The following FANCD2 variants were observed in gnomAD, a reference collection of about 807,000 sequenced individuals.
FANCD2 encodes the protein FA complementation group D2.
Under a neutral mutation model 192.3 loss-of-function variants are expected in FANCD2, and 131 were observed. The observed-to-expected ratio is 0.68, with a 90% CI of 0.59 to 0.79. The LOEUF is 0.79. Ranked by LOEUF, FANCD2 falls within the 30% of genes least tolerant of loss-of-function variation. The pLI, the probability that FANCD2 is intolerant of heterozygous loss-of-function variation, is 0.00. For synonymous variants in FANCD2, 524 were observed against 612.5 expected, an observed-to-expected ratio of 0.86 and a Z score of 2.13; for missense variants, 1,508 against 1,701.6, an observed-to-expected ratio of 0.89 and a Z score of 2.00.
At position 10,074,658 on chromosome 3, in the gene FANCD2, T is replaced by C; in HGVS notation, c.2844T>C (p.Thr948=). The C allele has an allele frequency of 6.2e-7, 1 of 1,613,816 alleles. No individual in the cohort carries two copies. ...CGLVTKFILD[T]EMHTEATEVV... ...TTGTGACGAAGTTCATCTTAGATAC[T>C]GAAATGCACACTGAAGTAAGTGACA... The change falls in exon 29 of 44, where the codon ACT becomes ACC. Residue 948 remains threonine (T), a synonymous_variant. Transcript: ENST00000675286.
intron 15 of FANCD2, among the ~76,000 whole-genome samples, chr3:10,047,077 T>C (rs1360208078): frequency 1.3e-5 from 2 of 152,302 alleles, no homozygotes; most frequent in African/African-American, 4.8e-5. Context: ...TGGAATTTTA[T>C]AAGCTAGGAA....
intron 2 of FANCD2, among the ~76,000 whole-genome samples, chr3:10,031,510 A>G (rs1482202954): frequency 1.3e-5 from 2 of 152,084 alleles, no homozygotes; most frequent in Non-Finnish European, 2.9e-5. Context: ...TCAAAAAAAA[A>G]AAAAAAAGAA....
intron 38 of FANCD2, 102 bp downstream of exon 38, chr3:10,092,354 T>C: frequency 1.1e-6 from 1 of 891,544 alleles, no homozygotes; most frequent in South Asian, 1.3e-5. Context: ...CCACTCTTCC[T>C]TGGGGCCTGC....
At chr3:10,054,410 C>CGTATAT (rs2087325135) in intron 18 of FANCD2, among the ~76,000 whole-genome samples, 1 of 71,416 alleles carries the variant, frequency 1.4e-5, no homozygotes, top group Admixed American at 1.9e-4. Flanking sequence ...TATGTATATA[C>CGTATAT]GTATATACAT....
At chr3:10,099,063 GC>G in intron 43 of FANCD2, 1 of 1,574,354 alleles carries the variant, frequency 6.4e-7, no homozygotes, top group South Asian at 1.1e-5. Context: ...ACAATTTTCT[GC>G]ATTATAGCCT....
intron 26 of FANCD2, among the ~76,000 whole-genome samples, chr3:10,069,488 T>TCCCC (rs1287580681): frequency 6.2e-5 from 4 of 64,082 alleles, no homozygotes; most frequent in African/African-American, 2.3e-4. Context: ...CCCCTCCCCC[T>TCCCC]CTCCCGTCTC....
intron 37 of FANCD2, among the ~76,000 whole-genome samples, chr3:10,090,865 C>G (rs1694562784): frequency 6.7e-6 from 1 of 149,824 alleles, no homozygotes; most frequent in Admixed American, 6.7e-5. Context: ...TCAAAGAGTT[C>G]CTAGTTTAAT....
chr3:10,052,636 A>C (rs2087252748), intron 18 of FANCD2, 139 bp downstream of exon 18: 2 of 675,770 alleles, frequency 3.0e-6, no homozygotes, highest in Admixed American at 2.2e-5. Flanking sequence ...CTCCTGCCTC[A>C]GCCTCCCAAG....
intron 37 of FANCD2, 55 bp downstream of exon 37, chr3:10,090,440 CTGATTT>C: frequency 1.8e-6 from 1 of 552,954 alleles, no homozygotes; most frequent in Non-Finnish European, 3.0e-6. Flanking sequence ...TTGGAAGTTG[CTGATTT>C]TTTTTTTTTT....
chr3:10,032,385 A>T lies in FANCD2; in HGVS notation c.65-447A>T, dbSNP rs914081511. The T allele has an allele frequency of 2.2e-5, 7 of 324,896 alleles. No homozygotes were observed. The East Asian group carries it at 3.0e-4, about 14-fold the overall frequency. 20.1% of individuals were successfully genotyped at this position (324,896 alleles called of 1,614,324 possible). On this transcript the variant is annotated intron_variant, in intron 2 of 43. Transcript: ENST00000675286. ...AGCCTCAACCTCCTGGGCTCAAGTTATTCTTCCGCCTTAGCCTCCGAAGTA... is the reference window on the plus strand; with the variant it reads ...AGCCTCAACCTCCTGGGCTCAAGTTTTTCTTCCGCCTTAGCCTCCGAAGTA...
rs375085905 is a variant in FANCD2 at position 10,073,936 on chromosome 3, A to AGTTTTTT, written c.2716-573_2716-567dup. 5.1e-3 allele frequency among the ~76,000 whole-genome samples: 771 copies of AGTTTTTT among 152,122 alleles called. 6 individuals carry two copies. The highest frequency in any genetic ancestry group is 0.017 in the African/African-American group (713 of 41,474). ...AGATCATTCTGGCCCCTAAGCTCAC[A>AGTTTTTT]GTTTTTTGTTTTTTGTTTTTTGTTT... is the stretch of plus-strand genomic sequence containing the variant. On this transcript the variant is annotated intron_variant, in intron 28 of 43. Coordinates refer to ENST00000675286, the MANE Select transcript of FANCD2 (RefSeq NM_001018115.3).
In FANCD2 at chr3:10,078,141, C is replaced by T; in HGVS notation, c.2920C>T (p.Gln974Ter). Residue 974 changes from glutamine (Q) to a stop codon, truncating the protein, a stop_gained, in exon 30 of 44, where the codon CAG becomes TAG. Transcript: ENST00000675286. LOFTEE classifies it high-confidence loss of function. ...ELLFLLEDLS[Q>*]KLESMLTPPI... The stretch of plus-strand genomic sequence containing the variant: ...GCTTTTCTTGCTGGAAGATCTCTCC[C>T]AGAAGCTGGAGAGTATGCTGACACC... 6.2e-7 allele frequency: 1 copy of T among 1,613,868 alleles called. No homozygotes were observed.
intron 2 of FANCD2, among the ~76,000 whole-genome samples, chr3:10,029,415 C>T (rs1212550106): frequency 1.3e-5 from 2 of 152,104 alleles, no homozygotes; most frequent in Non-Finnish European, 2.9e-5. Context: ...GTGGAAGGAT[C>T]ACTTGAGCTC....
chr3:10,092,430 C>T (rs1245214533), intron 38 of FANCD2, among the ~76,000 whole-genome samples, 178 bp downstream of exon 38: 1 of 129,242 alleles, frequency 7.7e-6, no homozygotes, highest in Non-Finnish European at 1.5e-5. Context: ...TCTCACTAGG[C>T]ATTTTTTTTT....
In FANCD2 at chr3:10,079,883, G is replaced by A. The variant is rs144307802; in HGVS notation, c.2977-1217G>A. On this transcript the variant is annotated intron_variant, in intron 30 of 43. Coordinates refer to ENST00000675286, the MANE Select transcript of FANCD2 (RefSeq NM_001018115.3). ...AAGCATTTAAACATTAATATATCCC[G>A]TTTCTTGGTTTCTTGATTCATTTTT... Among the ~76,000 whole-genome samples, 500 of 151,752 alleles carry A rather than the reference G, an allele frequency of 3.3e-3. 1 individual carries two copies. The highest frequency in any genetic ancestry group is 6.8e-3 in the Middle Eastern group (2 of 294).
At chr3:10,028,514 G>T in intron 1 of FANCD2, 111 bp from the exon 2 acceptor site, 1 of 722,024 alleles carries the variant, frequency 1.4e-6, no homozygotes. Context: ...CATTAATATG[G>T]AGATGTGAGC....
intron 41 of FANCD2, among the ~76,000 whole-genome samples, chr3:10,095,927 G>C (rs940906258): frequency 4.8e-5 from 7 of 146,318 alleles, no homozygotes; most frequent in Non-Finnish European, 1.0e-4. Context: ...TGTAGCCCAG[G>C]CCGGAGTGCA....
At chr3:10,033,124 A>G in intron 3 of FANCD2, 152 bp downstream of exon 3, 1 of 743,794 alleles carries the variant, frequency 1.3e-6, no homozygotes, top group Non-Finnish European at 2.2e-6. Flanking sequence ...AAAATGGTAC[A>G]GTCAGGCCGG....
chr3:10,065,605 G>C, intron 24 of FANCD2, 111 bp downstream of exon 24: 1 of 799,640 alleles, frequency 1.3e-6, no homozygotes, highest in Non-Finnish European at 2.2e-6. Flanking sequence ...TCTAACTTCA[G>C]CAGAATAGTT....
Sources: gnomAD v4.1 joint callset for allele counts (sites outside exome capture counted in the v4.1 genomes callset) on GRCh38, gnomAD v4.1.1 for gene constraint, MANE v1.5 for transcripts, NCBI Gene and HGNC (gene_info 2026-07-23, HGNC 2026-07-21) for gene names.